GULP1: variants seen among roughly 807,000 people sequenced by gnomAD.
GULP1 encodes the protein PTB domain-containing engulfment adapter protein 1.
GULP1 carries 19 observed loss-of-function variants against 40.9 expected under a neutral mutation model. That is an observed-to-expected ratio of 0.46 (90% CI 0.32 to 0.68). GULP1 has a LOEUF of 0.68. Ranked by LOEUF, GULP1 falls within the 30% of genes least tolerant of loss-of-function variation. The pLI is 0.03. For synonymous variants in GULP1, 119 were observed against 117.6 expected (o/e 1.01, Z -0.08); for missense variants, 312 against 362.2 (o/e 0.86, Z 1.12).
intron 9 of GULP1, among the ~76,000 whole-genome samples, chr2:188,580,701 A>G (rs981848053): frequency 6.6e-6 from 1 of 152,218 alleles, no homozygotes; most frequent in Non-Finnish European, 1.5e-5. Flanking sequence ...CTCTCACTTT[A>G]CATGGCTTCC....
intron 1 of GULP1, among the ~76,000 whole-genome samples, chr2:188,353,052 A>G (rs1168765001): frequency 1.3e-5 from 2 of 152,226 alleles, no homozygotes; most frequent in African/African-American, 2.4e-5. Flanking sequence ...ATGATAAACT[A>G]TAAACCTGGA....
At chr2:188,309,747 T>C (rs1423362856) in intron 1 of GULP1, among the ~76,000 whole-genome samples, 1 of 152,168 alleles carries the variant, frequency 6.6e-6, no homozygotes, top group South Asian at 2.1e-4. Flanking sequence ...GGAATAATAT[T>C]TGTAAATACG....
intron 2 of GULP1, among the ~76,000 whole-genome samples, chr2:188,456,172 C>A (rs2059241096): frequency 6.6e-6 from 1 of 152,150 alleles, no homozygotes; most frequent in Non-Finnish European, 1.5e-5. Context: ...AAGAAAATCC[C>A]ATTTTCTGAG....
chr2:188,485,164 T>C (rs546369817), intron 4 of GULP1, among the ~76,000 whole-genome samples: 2 of 152,164 alleles, frequency 1.3e-5, no homozygotes, highest in Non-Finnish European at 2.9e-5. Flanking sequence ...GTGACTGATA[T>C]GCCTCATTTT....
intron 2 of GULP1, among the ~76,000 whole-genome samples, chr2:188,425,809 A>G (rs958211884): frequency 3.3e-5 from 5 of 152,080 alleles, no homozygotes; most frequent in African/African-American, 1.2e-4. Context: ...TTACAGTCAA[A>G]TTATTATGTT....
intron 1 of GULP1, among the ~76,000 whole-genome samples, chr2:188,353,447 A>C (rs2044789150): frequency 6.6e-6 from 1 of 152,138 alleles, no homozygotes; most frequent in African/African-American, 2.4e-5. Context: ...TCCCTGAGAA[A>C]TCATTGCTGT....
chr2:188,302,070 A>C (rs955234271), intron 1 of GULP1, among the ~76,000 whole-genome samples: 1 of 152,172 alleles, frequency 6.6e-6, no homozygotes, highest in Non-Finnish European at 1.5e-5. Flanking sequence ...TAATTTTGTA[A>C]ATAAAAGTTT....
chr2:188,353,407 A>G (rs2044781262), intron 1 of GULP1, among the ~76,000 whole-genome samples: 1 of 152,146 alleles, frequency 6.6e-6, no homozygotes, highest in Admixed American at 6.5e-5. Context: ...TCTGAAAAGA[A>G]TGTCTTGGTG....
At chr2:188,433,650 G>T (rs1485430911) in intron 2 of GULP1, among the ~76,000 whole-genome samples, 3 of 152,038 alleles carry the variant, frequency 2.0e-5, no homozygotes, top group Non-Finnish European at 4.4e-5. Context: ...TCTGAGTTCA[G>T]GTAATTCCTT....
At chr2:188,577,024 A>G (rs1239898487) in intron 9 of GULP1, among the ~76,000 whole-genome samples, 1 of 152,112 alleles carries the variant, frequency 6.6e-6, no homozygotes, top group Non-Finnish European at 1.5e-5. Context: ...ATAACAAGTT[A>G]AATCAAAATG....
At chr2:188,440,703 A>AT (rs2057841825) in intron 2 of GULP1, among the ~76,000 whole-genome samples, 1 of 152,056 alleles carries the variant, frequency 6.6e-6, no homozygotes, top group Non-Finnish European at 1.5e-5. Flanking sequence ...CAGTCATACT[A>AT]TTTTTGCAAT....
At chr2:188,339,037 T>C (rs2042644792) in intron 1 of GULP1, among the ~76,000 whole-genome samples, 1 of 152,210 alleles carries the variant, frequency 6.6e-6, no homozygotes, top group South Asian at 2.1e-4. Context: ...TTCCAGTGCC[T>C]CTGTAGGTAA....
intron 9 of GULP1, among the ~76,000 whole-genome samples, chr2:188,581,638 ATC>A (rs1559403419): frequency 6.6e-6 from 1 of 152,086 alleles, no homozygotes; most frequent in African/African-American, 2.4e-5. Flanking sequence ...GTTATTCATT[ATC>A]TCTCTGATTT....
chr2:188,376,717 A>T (rs1003116996), intron 1 of GULP1, among the ~76,000 whole-genome samples: 2 of 152,244 alleles, frequency 1.3e-5, no homozygotes, highest in Non-Finnish European at 2.9e-5. Flanking sequence ...GATTAAAAAG[A>T]TAATTGCTGG....
At chr2:188,374,010 A>G (rs998045354) in intron 1 of GULP1, among the ~76,000 whole-genome samples, 15 of 152,038 alleles carry the variant, frequency 9.9e-5, no homozygotes, top group Non-Finnish European at 1.5e-4. Flanking sequence ...CACAACCTAA[A>G]TTTGATGAAA....
At chr2:188,436,814 A>T (rs1408710494) in intron 2 of GULP1, among the ~76,000 whole-genome samples, 1 of 152,094 alleles carries the variant, frequency 6.6e-6, no homozygotes, top group Non-Finnish European at 1.5e-5. Flanking sequence ...TTTCACATAC[A>T]GTGTTCATGA....
chr2:188,325,418 C>G (rs1254956050), intron 1 of GULP1, among the ~76,000 whole-genome samples: 1 of 151,826 alleles, frequency 6.6e-6, no homozygotes, highest in African/African-American at 2.4e-5. Flanking sequence ...TTAAGTCTAG[C>G]CAACTAGAAT....
At chr2:188,331,692 A>G (rs1417477054) in intron 1 of GULP1, among the ~76,000 whole-genome samples, 1 of 152,194 alleles carries the variant, frequency 6.6e-6, no homozygotes, top group Non-Finnish European at 1.5e-5. Flanking sequence ...ACATTTATGT[A>G]TTTAAAAAAT....
chr2:188,522,990 TAACA>T, intron 5 of GULP1, 163 bp downstream of exon 5: 1 of 511,852 alleles, frequency 2.0e-6, no homozygotes, highest in East Asian at 3.0e-5. Flanking sequence ...ACATTTTTAA[TAACA>T]AACATGTACA....
Sources: allele counts gnomAD v4.1 joint callset (sites outside exome capture counted in the v4.1 genomes callset), GRCh38; gene constraint gnomAD v4.1.1; transcripts MANE v1.5; gene names NCBI Gene and HGNC (gene_info 2026-07-23, HGNC 2026-07-21).